The following NBAS variants were observed in gnomAD, a reference collection of about 807,000 sequenced individuals.
NBAS encodes NBAS subunit of NRZ tethering complex, also known as NAG/BC035112 fusion.
Under a neutral mutation model 302.5 loss-of-function variants are expected in NBAS, and 219 were observed. That is an observed-to-expected ratio of 0.72 (90% CI 0.65 to 0.81). NBAS has a LOEUF of 0.81. Among genes scored for constraint, NBAS ranks in the 30% least tolerant of loss-of-function variants. The pLI is 0.00. For synonymous variants in NBAS, 1,118 were observed against 1,021.6 expected, an observed-to-expected ratio of 1.09 and a Z score of -1.80; for missense variants, 2,932 against 2,841.6, an observed-to-expected ratio of 1.03 and a Z score of -0.72.
chr2:15,434,279 CA>C (rs1677904489), intron 21 of NBAS, among the ~76,000 whole-genome samples: 1 of 152,094 alleles, frequency 6.6e-6, no homozygotes, highest in Non-Finnish European at 1.5e-5. Flanking sequence ...AAACAGATGA[CA>C]AGAGAGACAA....
intron 22 of NBAS, among the ~76,000 whole-genome samples, chr2:15,427,483 T>C (rs760653326): frequency 6.6e-6 from 1 of 152,170 alleles, no homozygotes; most frequent in Non-Finnish European, 1.5e-5. Context: ...ATGAAAACAG[T>C]TGTTGTAATA....
chr2:15,051,807 C>T, the NBAS span, among the ~76,000 whole-genome samples: 1 of 152,122 alleles, frequency 6.6e-6, no homozygotes, highest in African/African-American at 2.4e-5. Context: ...TGGCAGGGAC[C>T]AATTAAGGAA....
At chr2:14,820,275 A>G in the NBAS span, among the ~76,000 whole-genome samples, 1 of 152,248 alleles carries the variant, frequency 6.6e-6, no homozygotes, top group Non-Finnish European at 1.5e-5. Flanking sequence ...GTGTTCATCA[A>G]CAAATGAATG....
chr2:15,219,772 C>T (rs1287862004), intron 47 of NBAS, among the ~76,000 whole-genome samples: 1 of 138,662 alleles, frequency 7.2e-6, no homozygotes, highest in Admixed American at 7.1e-5. Flanking sequence ...TTTTTCCCCA[C>T]CCTTCCCGCC....
the NBAS span, among the ~76,000 whole-genome samples, chr2:14,904,723 G>A: frequency 3.3e-5 from 5 of 152,146 alleles, no homozygotes; most frequent in Non-Finnish European, 5.9e-5. Context: ...GGCACTGTGC[G>A]CAATTTGTGT....
chr2:15,361,807 C>T (rs1045760746), intron 32 of NBAS, among the ~76,000 whole-genome samples: 1 of 151,700 alleles, frequency 6.6e-6, no homozygotes, highest in African/African-American at 2.4e-5. Context: ...GGAGAAACCC[C>T]ATCTCTACTA....
chr2:15,158,172 T>C, the NBAS span, among the ~76,000 whole-genome samples: 19 of 152,128 alleles, frequency 1.2e-4, no homozygotes, highest in Admixed American at 5.2e-4. Flanking sequence ...AAACAGCAAT[T>C]ACCCTTTTCT....
At chr2:15,184,557 T>C (rs1664986494) in intron 50 of NBAS, among the ~76,000 whole-genome samples, 1 of 152,006 alleles carries the variant, frequency 6.6e-6, no homozygotes, top group African/African-American at 2.4e-5. Context: ...TGTGCTCCTA[T>C]AAGAATCTTG....
intron 24 of NBAS, among the ~76,000 whole-genome samples, chr2:15,416,085 CAGAGAG>C (rs142747790): frequency 2.2e-4 from 32 of 147,830 alleles, no homozygotes; most frequent in South Asian, 1.1e-3. Context: ...TACGCAAAAA[CAGAGAG>C]AGAGAGAGAG....
chr2:15,006,557 T>C, the NBAS span, among the ~76,000 whole-genome samples: 2 of 152,198 alleles, frequency 1.3e-5, no homozygotes, highest in African/African-American at 4.8e-5. Flanking sequence ...TAGCGTAAAA[T>C]ATGAAGGATT....
chr2:15,230,238 G>A (rs1667324442), intron 47 of NBAS, among the ~76,000 whole-genome samples: 1 of 151,994 alleles, frequency 6.6e-6, no homozygotes, highest in Admixed American at 6.5e-5. Flanking sequence ...AGAACTACCT[G>A]GAAAACACAA....
the NBAS span, among the ~76,000 whole-genome samples, chr2:14,839,840 A>T: frequency 3.3e-5 from 5 of 152,204 alleles, 1 homozygote; most frequent in African/African-American, 1.2e-4. Context: ...GAAGACTAGA[A>T]TAAATACCTA....
chr2:15,545,957 C>G (rs1026802723), intron 6 of NBAS, among the ~76,000 whole-genome samples: 9 of 152,192 alleles, frequency 5.9e-5, no homozygotes, highest in African/African-American at 2.2e-4. Context: ...AATACAATAT[C>G]TAGTGGCTTG....
chr2:15,100,432 A>G, the NBAS span, among the ~76,000 whole-genome samples: 3 of 152,186 alleles, frequency 2.0e-5, no homozygotes. Flanking sequence ...TGCACATAGT[A>G]TCACAGAGTT....
the NBAS span, among the ~76,000 whole-genome samples, chr2:15,009,693 CATAT>C: frequency 0.57 from 71,474 of 126,488 alleles, 20,075 homozygotes; most frequent in East Asian, 0.8. Flanking sequence ...TGTAGGAATG[CATAT>C]ATATATATAT....
intron 44 of NBAS, among the ~76,000 whole-genome samples, chr2:15,263,460 T>C (rs896775265): frequency 6.6e-6 from 1 of 152,214 alleles, no homozygotes; most frequent in African/African-American, 2.4e-5. Flanking sequence ...TACGTCTAAC[T>C]GATCCATTCC....
the NBAS span, among the ~76,000 whole-genome samples, chr2:14,947,917 A>C: frequency 8.5e-5 from 13 of 152,074 alleles, no homozygotes; most frequent in Admixed American, 2.0e-4. Flanking sequence ...GTGATGTATC[A>C]TTATTATTGA....
At chr2:15,109,992 C>G in the NBAS span, among the ~76,000 whole-genome samples, 1 of 151,818 alleles carries the variant, frequency 6.6e-6, no homozygotes, top group African/African-American at 2.4e-5. Flanking sequence ...ATCTCTTATC[C>G]CCTCAAAAGG....
At chr2:15,233,483 A>AT (rs1667465052) in intron 46 of NBAS, among the ~76,000 whole-genome samples, 2 of 152,222 alleles carry the variant, frequency 1.3e-5, no homozygotes, top group South Asian at 2.1e-4. Context: ...CAAAATGCAT[A>AT]TTTTTGTGAG....
Sources: allele counts gnomAD v4.1 joint callset (sites outside exome capture counted in the v4.1 genomes callset), GRCh38; gene constraint gnomAD v4.1.1; transcripts MANE v1.5; gene names NCBI Gene and HGNC (gene_info 2026-07-23, HGNC 2026-07-21).